Variants in ALDH1A1 observed in about 807,000 individuals in gnomAD.
The protein encoded by ALDH1A1 is aldehyde dehydrogenase 1A1.
Under a neutral mutation model 62.1 loss-of-function variants are expected in ALDH1A1, and 19 were observed. The observed-to-expected ratio is 0.31, with a 90% CI of 0.21 to 0.45. The LOEUF is 0.45. Ranked by LOEUF, ALDH1A1 falls within the 20% of genes least tolerant of loss-of-function variation. The pLI, the probability that ALDH1A1 is intolerant of heterozygous loss-of-function variation, is 1.00. For missense variants in ALDH1A1, 521 were observed against 607.1 expected, an observed-to-expected ratio of 0.86 and a Z score of 1.49; for synonymous variants, 231 against 215.9, an observed-to-expected ratio of 1.07 and a Z score of -0.61.
intron 11 of ALDH1A1, among the ~76,000 whole-genome samples, chr9:72,908,434 CAAAA>C (rs386415096): frequency 4.0e-3 from 10 of 2,480 alleles, no homozygotes; most frequent in East Asian, 0.028. Flanking sequence ...GACTCCAGCT[CAAAA>C]AAAAAAAAAA....
chr9:72,901,274 C>A lies in ALDH1A1; in HGVS notation c.1440G>T (p.Glu480Asp). 6.2e-7 allele frequency: 1 copy of A among 1,607,432 alleles called. No individual in the cohort carries two copies. The highest frequency in any genetic ancestry group is 8.5e-7 in the Non-Finnish European group (1 of 1,176,386). The change falls in exon 13 of 13, where the codon GAG becomes GAT. Residue 480 changes from glutamate to aspartate, a missense_variant. Physicochemically the swap from Glu to Asp is conservative, Grantham distance 45. Coordinates refer to ENST00000297785, the MANE Select transcript of ALDH1A1 (RefSeq NM_000689.5). Reference protein sequence around the residue: ...KMSGNGRELGEYGFHEYTEVK... With the variant: ...KMSGNGRELGDYGFHEYTEVK... ...CCTCTGTATATTCATGGAAACCGTACTCTCCCCTAGAGAGAAGAAAAACAT... is the reference window on the plus strand; with the variant it reads ...CCTCTGTATATTCATGGAAACCGTAATCTCCCCTAGAGAGAAGAAAAACAT...
intron 1 of ALDH1A1, among the ~76,000 whole-genome samples, chr9:72,948,005 A>G (rs571843968): frequency 6.8e-4 from 103 of 152,096 alleles, no homozygotes; most frequent in African/African-American, 2.3e-3. Flanking sequence ...CTAAGTAGTT[A>G]ATAAGTGCCA....
At chr9:72,921,989 AG>A (rs1400678434) in intron 7 of ALDH1A1, among the ~76,000 whole-genome samples, 1 of 152,102 alleles carries the variant, frequency 6.6e-6, no homozygotes, top group African/African-American at 2.4e-5. Context: ...ATGAACTAAA[AG>A]CCTGGGGGAA....
chr9:72,911,443 G>A (rs912394528), intron 10 of ALDH1A1, among the ~76,000 whole-genome samples: 6 of 151,960 alleles, frequency 3.9e-5, no homozygotes, highest in South Asian at 4.2e-4. Flanking sequence ...GGATATTTAC[G>A]ATAGCTCTCT....
rs1829952744 is a variant in ALDH1A1, at chr9:72,909,522, C to T, written c.1358+80G>A. On this transcript the variant is annotated intron_variant, in intron 11 of 12. Coordinates refer to ENST00000297785, the MANE Select transcript of ALDH1A1 (RefSeq NM_000689.5). ...GGATAGGTAATTCCAAATGAAAAAT[C>T]CAAGTCTGAAAAAGTTCAAGGTAGT... The T allele has an allele frequency of 6.0e-6, 8 of 1,333,494 alleles. No homozygotes were observed. The South Asian group carries it at 1.2e-4, about 20-fold the overall frequency. 82.6% of individuals were successfully genotyped at this position (1,333,494 alleles called of 1,614,324 possible). A position where few individuals can be genotyped will look rare whatever the true frequency, so the allele number is the denominator to read the frequency against.
In ALDH1A1 at chr9:72,918,838, A is replaced by G. The variant is rs1830097449; in HGVS notation, c.748-16T>C. On this transcript the variant is annotated splice_polypyrimidine_tract_variant and intron_variant, in intron 7 of 12. Coordinates refer to ENST00000297785, the MANE Select transcript of ALDH1A1 (RefSeq NM_000689.5). ...ACTTGCCAACCTGAAAGGGAGCATT[A>G]CAAAGGAGGAGGCTTACCCTGCTCT... 1.3e-6 allele frequency: 2 copies of G among 1,597,460 alleles called. No individual in the cohort carries two copies. Among genetic ancestry groups the G allele is most frequent in the African/African-American group, 1.3e-5 (1 of 74,634 alleles).
intron 1 of ALDH1A1, among the ~76,000 whole-genome samples, chr9:72,946,844 C>T (rs886449927): frequency 2.0e-5 from 3 of 152,064 alleles, no homozygotes; most frequent in Non-Finnish European, 2.9e-5. Context: ...TGATTTGCAA[C>T]ATATCATCCT....
intron 1 of ALDH1A1, among the ~76,000 whole-genome samples, chr9:72,942,635 C>A (rs780068575): frequency 2.2e-4 from 34 of 152,138 alleles, no homozygotes; most frequent in Non-Finnish European, 4.6e-4. Context: ...AGGTGGTTCA[C>A]GATCTTGCTC....
intron 1 of ALDH1A1, among the ~76,000 whole-genome samples, chr9:72,944,402 A>G (rs1245717002): frequency 6.6e-6 from 1 of 152,090 alleles, no homozygotes; most frequent in Non-Finnish European, 1.5e-5. Flanking sequence ...AGATGGTTAG[A>G]AGGCCAGGTA....
chr9:72,942,309 C>A, intron 1 of ALDH1A1: 1 of 985,320 alleles, frequency 1.0e-6, no homozygotes, highest in Non-Finnish European at 1.2e-6. Flanking sequence ...CCGAACTCAG[C>A]TCACTGTCAT....
In ALDH1A1 at chr9:72,928,912, TG is replaced by T; in HGVS notation, c.421del (p.Gln141ArgfsTer40). The T allele has an allele frequency of 6.2e-7, 1 of 1,613,952 alleles. No individual in the cohort carries two copies. The highest frequency in any genetic ancestry group is 8.5e-7 in the Non-Finnish European group (1 of 1,179,888). ...RYCAGWADKI[Q>X]GRTIPIDGNF... Reference sequence around the variant, plus strand: ...CTTACCAATTGGTATTGTACGGCCCTGGATCTTGTCAGCCCAACCTGCACAG... The same window carrying T: ...CTTACCAATTGGTATTGTACGGCCCTGATCTTGTCAGCCCAACCTGCACAG... On this transcript the variant is annotated frameshift_variant, in exon 4 of 13. Coordinates refer to ENST00000297785, the MANE Select transcript of ALDH1A1 (RefSeq NM_000689.5). LOFTEE classifies it high-confidence loss of function.
At chr9:72,922,402 G>A (rs1323661010) in intron 7 of ALDH1A1, among the ~76,000 whole-genome samples, 1 of 151,998 alleles carries the variant, frequency 6.6e-6, no homozygotes, top group Non-Finnish European at 1.5e-5. Flanking sequence ...AATGTTATAG[G>A]GGATCATGGA....
chr9:72,935,545 A>T (rs1265459015), intron 2 of ALDH1A1, among the ~76,000 whole-genome samples: 1 of 152,218 alleles, frequency 6.6e-6, no homozygotes, highest in Non-Finnish European at 1.5e-5. Flanking sequence ...TGTCAAAGGC[A>T]CTTACTTTAA....
Position 72,952,967 on chromosome 9 carries a change from G to A in ALDH1A1, c.34C>T (p.Leu12=). 6.2e-7 allele frequency: 1 copy of A among 1,613,198 alleles called. No homozygotes were observed. The highest frequency in any genetic ancestry group is 8.5e-7 in the Non-Finnish European group (1 of 1,179,350). ...SSSGTPDLPV[L]LTDLKIQYTK... ...TATTGAATCTTCAAATCGGTGAGTA[G>A]GACAGGTAAGTCTGGCGTGCCTGAG... The change falls in exon 1 of 13, where the codon CTA becomes TTA. Residue 12 remains leucine, a synonymous_variant. Coordinates refer to ENST00000297785, the MANE Select transcript of ALDH1A1 (RefSeq NM_000689.5).
rs761738889 is a variant in ALDH1A1 at position 72,917,100 on chromosome 9, G to A, written c.855C>T (p.Asp285=). ...CATGGTGTGCAAATTCAACAGCATTGTCCACTGCGAAGAAGACATTCACAT... is the reference window on the plus strand; with the variant it reads ...CATGGTGTGCAAATTCAACAGCATTATCCACTGCGAAGAAGACATTCACAT... ...PCIVLADADL[D]NAVEFAHHGV... Residue 285 remains aspartate, a synonymous_variant, in exon 9 of 13, where the codon GAC becomes GAT. Transcript: ENST00000297785. 2 of 1,570,510 alleles carry A rather than the reference G, an allele frequency of 1.3e-6. No homozygotes were observed. Among genetic ancestry groups the A allele is most frequent in the South Asian group, 2.4e-5 (2 of 82,062 alleles).
At chr9:72,915,505 A>C (rs1194922671) in intron 9 of ALDH1A1, among the ~76,000 whole-genome samples, 1 of 152,216 alleles carries the variant, frequency 6.6e-6, no homozygotes, top group Non-Finnish European at 1.5e-5. Flanking sequence ...ACCAAGTCAA[A>C]ACTGATTTGA....
chr9:72,902,889 G>A (rs933659128), intron 12 of ALDH1A1, among the ~76,000 whole-genome samples: 5 of 151,680 alleles, frequency 3.3e-5, no homozygotes, highest in African/African-American at 9.7e-5. Flanking sequence ...AGCAGGTCTC[G>A]AGTGAAGCCT....
At chr9:72,946,488 T>C (rs1015075353) in intron 1 of ALDH1A1, among the ~76,000 whole-genome samples, 1 of 151,934 alleles carries the variant, frequency 6.6e-6, no homozygotes, top group East Asian at 1.9e-4. Context: ...TTCACATCCT[T>C]CTCAAGCAAT....
intron 1 of ALDH1A1, among the ~76,000 whole-genome samples, chr9:72,941,780 C>A (rs1026859889): frequency 6.6e-6 from 1 of 152,100 alleles, no homozygotes; most frequent in Non-Finnish European, 1.5e-5. Context: ...CCCATTCATG[C>A]CAATATAATT....
Sources: gnomAD v4.1 joint callset for allele counts (sites outside exome capture counted in the v4.1 genomes callset) on GRCh38, gnomAD v4.1.1 for gene constraint, MANE v1.5 for transcripts, NCBI Gene and HGNC (gene_info 2026-07-23, HGNC 2026-07-21) for gene names.